CAPN3: variants seen among roughly 807,000 people sequenced by gnomAD.
The protein encoded by CAPN3 is calpain-3.
A neutral mutation model predicts 114.0 loss-of-function variants in CAPN3; 88 were observed. The ratio of observed to expected loss-of-function variants is 0.77; its 90% CI spans 0.65 to 0.92. The LOEUF is 0.92. Among genes scored for constraint, CAPN3 ranks in the 40% least tolerant of loss-of-function variants. CAPN3 has a pLI of 0.00. For missense variants in CAPN3, 1,028 were observed against 1,069.0 expected, an observed-to-expected ratio of 0.96 and a Z score of 0.53; for synonymous variants, 386 against 382.9, an observed-to-expected ratio of 1.01 and a Z score of -0.09.
chr15:42,363,474 C>G (rs765805957), intron 1 of CAPN3, among the ~76,000 whole-genome samples: 38 of 152,156 alleles, frequency 2.5e-4, no homozygotes, highest in Non-Finnish European at 1.2e-4. Context: ...GCACCACACT[C>G]CTGGCCTGTC....
intron 1 of CAPN3, among the ~76,000 whole-genome samples, chr15:42,379,854 C>T (rs1435997019): frequency 1.3e-5 from 2 of 151,818 alleles, no homozygotes; most frequent in Non-Finnish European, 2.9e-5. Flanking sequence ...TGGTGGCTCA[C>T]GCCTGTAATC....
At chr15:42,401,553 A>G in intron 10 of CAPN3, 88 bp from the exon 11 acceptor site, 1 of 988,418 alleles carries the variant, frequency 1.0e-6, no homozygotes. Flanking sequence ...AGATGTAGGG[A>G]ATAGAAATAA....
At chr15:42,363,100 C>T (rs1184768532) in intron 1 of CAPN3, among the ~76,000 whole-genome samples, 3 of 152,178 alleles carry the variant, frequency 2.0e-5, no homozygotes, top group Non-Finnish European at 4.4e-5. Context: ...CAGCCTTTCC[C>T]TCTTAAAAGA....
chr15:42,380,752 T>TATATATA (rs1491298329), intron 1 of CAPN3, among the ~76,000 whole-genome samples: 13 of 37,802 alleles, frequency 3.4e-4, no homozygotes, highest in Admixed American at 7.9e-4. Flanking sequence ...TATATATATA[T>TATATATA]TTTTTTTTTT....
chr15:42,401,571 C>T, intron 10 of CAPN3, 70 bp from the exon 11 acceptor site: 1 of 1,401,044 alleles, frequency 7.1e-7, no homozygotes, highest in Non-Finnish European at 9.9e-7. Context: ...TAAATGGCTC[C>T]CTCTGTCTCA....
chr15:42,411,828 CCTCT>C lies in CAPN3; in HGVS notation c.*56_*59del. 2 of 1,613,704 alleles carry C rather than the reference CCTCT, an allele frequency of 1.2e-6. No homozygotes were observed. Among genetic ancestry groups the C allele is most frequent in the South Asian group, 2.2e-5 (2 of 91,022 alleles). On this transcript the variant is annotated 3_prime_UTR_variant, in exon 24 of 24. Transcript: ENST00000397163. ...GGATCACTCAGGATTTCAGTTTCAC[CCTCT>C]ATTTCCAAAGCCATTTACCTCAAAG...
intron 8 of CAPN3, among the ~76,000 whole-genome samples, chr15:42,396,391 C>T (rs1331747265): frequency 6.6e-6 from 1 of 152,010 alleles, no homozygotes; most frequent in African/African-American, 2.4e-5. Flanking sequence ...TATAGGTGCC[C>T]GCCACCACGC....
chr15:42,359,968 G>A lies in CAPN3; in HGVS notation c.163G>A (p.Gly55Arg), dbSNP rs753338235. The change falls in exon 1 of 24, where the codon GGA becomes AGA. Residue 55 changes from glycine to arginine, a missense_variant. Physicochemically the swap from Gly to Arg is moderately radical, Grantham distance 125. Coordinates refer to ENST00000397163, the MANE Select transcript of CAPN3 (RefSeq NM_000070.3). ...CATCAGCCGCAATTTTCCTATTATCGGAGTGAAAGAGAAGACATTCGAGCA... is the reference window on the plus strand; with the variant it reads ...CATCAGCCGCAATTTTCCTATTATCAGAGTGAAAGAGAAGACATTCGAGCA... ...AIISRNFPII[G>R]VKEKTFEQLH... 4.7e-5 allele frequency: 76 copies of A among 1,614,010 alleles called. No individual in the cohort carries two copies. In the East Asian group the frequency reaches 1.1e-3, roughly 23 times the overall value.
At chr15:42,363,445 T>C (rs1348865796) in intron 1 of CAPN3, among the ~76,000 whole-genome samples, 2 of 152,122 alleles carry the variant, frequency 1.3e-5, no homozygotes, top group African/African-American at 4.8e-5. Flanking sequence ...TTTCATTCCA[T>C]GGGGTGGAAG....
At chr15:42,389,591 G>C (rs1238163022) in intron 5 of CAPN3, among the ~76,000 whole-genome samples, 1 of 152,236 alleles carries the variant, frequency 6.6e-6, no homozygotes, top group African/African-American at 2.4e-5. Flanking sequence ...AGGGTAGGGA[G>C]ATGGCCGCCC....
intron 1 of CAPN3, among the ~76,000 whole-genome samples, chr15:42,384,109 A>G (rs2141154441): frequency 6.6e-6 from 1 of 152,054 alleles, no homozygotes; most frequent in South Asian, 2.1e-4. Flanking sequence ...ACATAATGGA[A>G]CTCAATAAAT....
intron 1 of CAPN3, among the ~76,000 whole-genome samples, chr15:42,379,236 G>A (rs1042161158): frequency 1.8e-4 from 28 of 151,966 alleles, no homozygotes; most frequent in African/African-American, 5.6e-4. Flanking sequence ...CGCTTGAACC[G>A]GGAGGTAGAG....
intron 1 of CAPN3, among the ~76,000 whole-genome samples, chr15:42,371,893 G>C (rs1372889135): frequency 2.6e-5 from 4 of 151,758 alleles, no homozygotes; most frequent in African/African-American, 9.7e-5. Context: ...GAACCCAGGA[G>C]ACAGAGGTTG....
chr15:42,392,154 G>C (rs931749511), intron 6 of CAPN3, among the ~76,000 whole-genome samples: 1 of 152,148 alleles, frequency 6.6e-6, no homozygotes, highest in African/African-American at 2.4e-5. Flanking sequence ...GACACAGCAA[G>C]ACTCTGTCTC....
At chr15:42,407,506 T>A (rs1211337289) in intron 15 of CAPN3, among the ~76,000 whole-genome samples, 2 of 152,154 alleles carry the variant, frequency 1.3e-5, no homozygotes, top group Non-Finnish European at 2.9e-5. Flanking sequence ...TTTTTTTGTA[T>A]CTTTAGTAGA....
rs768374736 is a variant in CAPN3, at chr15:42,409,845, G to A, written c.2050+1G>A. 4.3e-6 allele frequency: 6 copies of A among 1,410,600 alleles called. No homozygotes were observed. The highest frequency in any genetic ancestry group is 5.7e-5 in the East Asian group (2 of 35,030). The allele number at this position is 1,410,600 out of a possible 1,614,324, so 87.4% of individuals were successfully genotyped here. ...GTCCTTAACACAGTCGTGAACAAACGTGAGTTGCTCAAACCAAATGGGGGT... is the reference window on the plus strand; with the variant it reads ...GTCCTTAACACAGTCGTGAACAAACATGAGTTGCTCAAACCAAATGGGGGT... On this transcript the variant is annotated splice_donor_variant, in intron 18 of 23. Coordinates refer to ENST00000397163, the MANE Select transcript of CAPN3 (RefSeq NM_000070.3). LOFTEE classifies it high-confidence loss of function.
Position 42,360,208 on chromosome 15 carries a change from T to TG in CAPN3, c.309+99dup, listed in dbSNP as rs1349608018. 5 of 1,337,044 alleles carry TG rather than the reference T, an allele frequency of 3.7e-6. No individual in the cohort carries two copies. In the African/African-American group the frequency reaches 5.8e-5, roughly 15 times the overall value. The allele number at this position is 1,337,044 out of a possible 1,614,324, so 82.8% of individuals were successfully genotyped here. ...GCAGCTCAGCTGTGCACATGGGCAC[T>TG]GGGGGAAGGATCCTGGCAGCAGCTC... is the stretch of plus-strand genomic sequence containing the variant. On this transcript the variant is annotated intron_variant, in intron 1 of 23. Transcript: ENST00000397163.
At chr15:42,410,560 C>T in intron 20 of CAPN3, 28 bp from the exon 21 acceptor site, 1 of 1,608,684 alleles carries the variant, frequency 6.2e-7, no homozygotes, top group Non-Finnish European at 8.5e-7. Context: ...CAGTGTGTGA[C>T]CTCCATCCTC....
intron 3 of CAPN3, among the ~76,000 whole-genome samples, chr15:42,386,966 CCACATTATCAGTTCTTGCT>C (rs1372465675): frequency 6.6e-6 from 1 of 152,088 alleles, no homozygotes; most frequent in African/African-American, 2.4e-5. Flanking sequence ...CCAGGATGAC[CCACATTATCAGTTCTTGCT>C]CCCCGGGTCT....
Sources: gnomAD v4.1 joint callset for allele counts (sites outside exome capture counted in the v4.1 genomes callset) on GRCh38, gnomAD v4.1.1 for gene constraint, MANE v1.5 for transcripts, NCBI Gene and HGNC (gene_info 2026-07-23, HGNC 2026-07-21) for gene names.